Variants in MCM7 observed in about 807,000 individuals in gnomAD.
MCM7 encodes the protein DNA replication licensing factor MCM7.
Under a neutral mutation model 83.5 loss-of-function variants are expected in MCM7, and 95 were observed. That is an observed-to-expected ratio of 1.14 (90% CI 0.96 to 1.35). MCM7 has a LOEUF of 1.35. Ranked by LOEUF, MCM7 falls within the 40% of genes most tolerant of loss-of-function variation. The pLI is 0.00. For missense variants in MCM7, 1,087 were observed against 957.4 expected (o/e 1.14, Z -1.79); for synonymous variants, 461 against 352.7 (o/e 1.31, Z -3.44).
chr7:100,092,984 T>C lies in MCM7; in HGVS notation c.2108A>G (p.Glu703Gly), dbSNP rs776808804. ...QFQAALDEYEELNVWQVNASR... is the reference protein window; with the variant it reads ...QFQAALDEYEGLNVWQVNASR... ...AGCATTGACCTGCCAGACATTGAGC[T>C]CCTCATATTCATCCAGAGCCGCCTG... is the stretch of plus-strand genomic sequence containing the variant. Residue 703 changes from glutamate to glycine, a missense_variant, in exon 15 of 15, where the codon GAG (glutamate) becomes GGG (glycine). Coordinates refer to ENST00000303887, the MANE Select transcript of MCM7 (RefSeq NM_005916.5). 1.2e-6 allele frequency: 2 copies of C among 1,614,042 alleles called. No homozygotes were observed. The highest frequency in any genetic ancestry group is 1.1e-5 in the South Asian group (1 of 91,086).
Position 100,099,349 on chromosome 7 carries a change from G to A in MCM7, c.331C>T (p.Gln111Ter). The A allele has an allele frequency of 6.2e-7, 1 of 1,611,264 alleles. No individual in the cohort carries two copies. The change falls in exon 4 of 15, where the codon CAG becomes TAG. Residue 111 changes from glutamine to a stop codon, truncating the protein, a stop_gained. Coordinates refer to ENST00000303887, the MANE Select transcript of MCM7 (RefSeq NM_005916.5). LOFTEE classifies it high-confidence loss of function. ...VYIEHRLMME[Q>*]RSRDPGMVRS... ...ACCATCCCAGGGTCCCGACTCCGCTGCTCCATCATTAGCCGATGCTCAATG... is the reference window on the plus strand; with the variant it reads ...ACCATCCCAGGGTCCCGACTCCGCTACTCCATCATTAGCCGATGCTCAATG...
chr7:100,093,205 T>G, intron 14 of MCM7, 72 bp from the exon 15 acceptor site: 1 of 1,591,604 alleles, frequency 6.3e-7, no homozygotes, highest in Non-Finnish European at 8.6e-7. Flanking sequence ...AGAACAATGG[T>G]GGCCAGTGTT....
In MCM7 at chr7:100,092,735, C is replaced by T. The variant is rs1368624161; in HGVS notation, c.*197G>A. 18 of 618,636 alleles carry T rather than the reference C, an allele frequency of 2.9e-5. No individual in the cohort carries two copies. The highest frequency in any genetic ancestry group is 2.1e-4 in the Admixed American group (7 of 33,688). The allele number at this position is 618,636 out of a possible 1,614,324, so 38.3% of individuals were successfully genotyped here. ...TAAAAACGAACAGGAATCTAAAAAACGCACAAAACCCTGTTTTAATGGAAG... is the reference window on the plus strand; with the variant it reads ...TAAAAACGAACAGGAATCTAAAAAATGCACAAAACCCTGTTTTAATGGAAG... On this transcript the variant is annotated 3_prime_UTR_variant, in exon 15 of 15. Transcript: ENST00000303887.
In MCM7 at chr7:100,097,670, A is replaced by G; in HGVS notation, c.1061T>C (p.Leu354Pro). 1 of 1,614,192 alleles carries G rather than the reference A, an allele frequency of 6.2e-7. No homozygotes were observed. Among genetic ancestry groups the G allele is most frequent in the Non-Finnish European group, 8.5e-7 (1 of 1,180,042 alleles). Reference sequence around the variant, plus strand: ...CACACCCCCGACTAGCAGGAGCAGCAGTGCCTTCTTCACATCTTCATGCCC... The same window carrying G: ...CACACCCCCGACTAGCAGGAGCAGCGGTGCCTTCTTCACATCTTCATGCCC... ...IYGHEDVKKA[L>P]LLLLVGGVDQ... Residue 354 changes from leucine (L) to proline (P), a missense_variant, in exon 9 of 15, where the codon CTG (leucine) becomes CCG (proline). By Grantham distance (98) the Leu-to-Pro change is moderately conservative (BLOSUM62 -3). Coordinates refer to ENST00000303887, the MANE Select transcript of MCM7 (RefSeq NM_005916.5).
Position 100,092,954 on chromosome 7 carries a change from C to A in MCM7, c.2138G>T (p.Arg713Leu). ...ELNVWQVNAS[R>L]TRITFV Reference sequence around the variant, plus strand: ...GAATCAGACAAAAGTGATCCGTGTCCGGGAAGCATTGACCTGCCAGACATT... The same window carrying A: ...GAATCAGACAAAAGTGATCCGTGTCAGGGAAGCATTGACCTGCCAGACATT... Residue 713 changes from arginine to leucine, a missense_variant, in exon 15 of 15, where the codon CGG (arginine) becomes CTG (leucine). Coordinates refer to ENST00000303887, the MANE Select transcript of MCM7 (RefSeq NM_005916.5). 1 of 1,614,164 alleles carries A rather than the reference C, an allele frequency of 6.2e-7. No homozygotes were observed. The highest frequency in any genetic ancestry group is 8.5e-7 in the Non-Finnish European group (1 of 1,180,034).
At chr7:100,098,755 G>C in intron 5 of MCM7, 40 bp from the exon 6 acceptor site, 5 of 1,611,054 alleles carry the variant, frequency 3.1e-6, no homozygotes, top group Non-Finnish European at 4.2e-6. Context: ...AACTCAGAAG[G>C]AAAAGAGCCC....
chr7:100,098,450 A>G (rs566367603), intron 6 of MCM7, 128 bp downstream of exon 6: 3 of 1,507,584 alleles, frequency 2.0e-6, no homozygotes, highest in Admixed American at 1.8e-5. Flanking sequence ...CTCCCAGGAA[A>G]TTCTAGTTCC....
In MCM7 at chr7:100,097,910, A is replaced by C; in HGVS notation, c.909T>G (p.Ile303Met). ...CATCCTCACTCTTGTTCATCTTCACAATCCGATGGGCTTCCAGGTAGGTTT... is the reference window on the plus strand; with the variant it reads ...CATCCTCACTCTTGTTCATCTTCACCATCCGATGGGCTTCCAGGTAGGTTT... ...LSETYLEAHRIVKMNKSEDDE... is the reference protein window; with the variant it reads ...LSETYLEAHRMVKMNKSEDDE... The change falls in exon 8 of 15, where the codon ATT becomes ATG. Residue 303 changes from isoleucine (I) to methionine (M), a missense_variant. By Grantham distance (10) the Ile-to-Met change is conservative. Coordinates refer to ENST00000303887, the MANE Select transcript of MCM7 (RefSeq NM_005916.5). The C allele has an allele frequency of 6.2e-7, 1 of 1,614,166 alleles. No homozygotes were observed. The highest frequency in any genetic ancestry group is 8.5e-7 in the Non-Finnish European group (1 of 1,180,030).
rs749479725 is a variant in MCM7 at position 100,095,724 on chromosome 7, TAC to T, written c.1595+48_1595+49del. On this transcript the variant is annotated intron_variant, in intron 11 of 14. Transcript: ENST00000303887. Reference sequence around the variant, plus strand: ...TTTCTGATTCACCTCTCCTCCTCCCTACACAGATCATTACAGGGGACCTCTCT... The same window carrying T: ...TTTCTGATTCACCTCTCCTCCTCCCTACAGATCATTACAGGGGACCTCTCT... The T allele has an allele frequency of 9.2e-6, 14 of 1,527,810 alleles. 1 individual carries two copies. The South Asian group carries it at 1.4e-4, about 15-fold the overall frequency. The allele number at this position is 1,527,810 out of a possible 1,614,324, so 94.6% of individuals were successfully genotyped here.
At position 100,096,148 on chromosome 7, in the gene MCM7, C is replaced by A; in HGVS notation, c.1221G>T (p.Arg407=). The change falls in exon 11 of 15, where the codon CGG becomes CGT. Residue 407 remains arginine (R), a synonymous_variant. Transcript: ENST00000303887. ...LAPRSQYTTG[R]GSSGVGLTAA... ...CCGTAAGCCCCACTCCTGAGGAGCCCCGGCCTGTTGTGTACTGGCCTGGAA... is the reference window on the plus strand; with the variant it reads ...CCGTAAGCCCCACTCCTGAGGAGCCACGGCCTGTTGTGTACTGGCCTGGAA... 1.2e-6 allele frequency: 2 copies of A among 1,608,028 alleles called. No homozygotes were observed. The highest frequency in any genetic ancestry group is 2.2e-5 in the South Asian group (2 of 90,378).
At position 100,094,180 on chromosome 7, in the gene MCM7, G is replaced by C; in HGVS notation, c.1841C>G (p.Thr614Ser). The C allele has an allele frequency of 6.2e-7, 1 of 1,614,216 alleles. No homozygotes were observed. The highest frequency in any genetic ancestry group is 2.2e-5 in the East Asian group (1 of 44,882). Residue 614 changes from threonine (T) to serine (S), a missense_variant, in exon 13 of 15, where the codon ACT becomes AGT. Coordinates refer to ENST00000303887, the MANE Select transcript of MCM7 (RefSeq NM_005916.5). ...RTLLAILRLS[T>S]ALARLRMVDV... is the part of the protein sequence containing the mutation. ...AGCAATTTGGGCACTTACCAGAGCAGTGGAAAGGCGCAGGATAGCCAGCAG... is the reference window on the plus strand; with the variant it reads ...AGCAATTTGGGCACTTACCAGAGCACTGGAAAGGCGCAGGATAGCCAGCAG...
chr7:100,094,081 G>A (rs745681671), intron 13 of MCM7, 92 bp downstream of exon 13: 7 of 1,504,150 alleles, frequency 4.7e-6, no homozygotes, highest in South Asian at 2.3e-5. Context: ...CAGGGCTGGA[G>A]CGGGAGGTGG....
chr7:100,093,845 C>A, intron 13 of MCM7: 1 of 637,832 alleles, frequency 1.6e-6, no homozygotes, highest in Non-Finnish European at 3.1e-6. Flanking sequence ...TTGGAGCCCC[C>A]AGGACTGAGG....
chr7:100,099,275 TCA>T lies in MCM7; in HGVS notation c.401+2_401+3del. ...CTACATCTTTCCCGACAGAGACCAC[TCA>T]CAATCTGCGCATGAGTTCAGCAGGG... On this transcript the variant is annotated splice_donor_variant and splice_donor_region_variant and intron_variant, in intron 4 of 14. Coordinates refer to ENST00000303887, the MANE Select transcript of MCM7 (RefSeq NM_005916.5). LOFTEE classifies it high-confidence loss of function. 1 of 1,614,084 alleles carries T rather than the reference TCA, an allele frequency of 6.2e-7. No homozygotes were observed. Among genetic ancestry groups the T allele is most frequent in the Non-Finnish European group, 8.5e-7 (1 of 1,180,018 alleles).
intron 10 of MCM7, 140 bp downstream of exon 10, chr7:100,097,161 C>G (rs115073631): frequency 0.042 from 30,836 of 730,324 alleles, 705 homozygotes; most frequent in Middle Eastern, 0.058. Flanking sequence ...TCAAAATCCT[C>G]GCCTCAAATG....
Position 100,099,749 on chromosome 7 carries a change from C to G in MCM7, c.116G>C (p.Arg39Pro), listed in dbSNP as rs1396825913. 1 of 1,613,750 alleles carries G rather than the reference C, an allele frequency of 6.2e-7. No individual in the cohort carries two copies. The highest frequency in any genetic ancestry group is 2.2e-5 in the East Asian group (1 of 44,890). The change falls in exon 3 of 15, where the codon CGG becomes CCG. Residue 39 changes from arginine to proline, a missense_variant. Coordinates refer to ENST00000303887, the MANE Select transcript of MCM7 (RefSeq NM_005916.5). Reference protein sequence around the residue: ...KQFKYGNQLVRLAHREQVALY... With the variant: ...KQFKYGNQLVPLAHREQVALY... The stretch of plus-strand genomic sequence containing the variant: ...AGCCACCTGTTCCCGATGAGCCAGC[C>G]GAACCTCAAGTGGGGAAGAGACAGA...
Position 100,099,572 on chromosome 7 carries a change from G to A in MCM7, c.276+17C>T, listed in dbSNP as rs1272301009. On this transcript the variant is annotated intron_variant, in intron 3 of 14. Coordinates refer to ENST00000303887, the MANE Select transcript of MCM7 (RefSeq NM_005916.5). ...AACGCCTCGCCCTTTGTTTGCCATT[G>A]TTCTCTAACCACTCACTTCCCTCTC... 5 of 1,612,262 alleles carry A rather than the reference G, an allele frequency of 3.1e-6. No individual in the cohort carries two copies. The highest frequency in any genetic ancestry group is 2.2e-5 in the South Asian group (2 of 91,014).
chr7:100,097,543 G>A (rs930834556), intron 9 of MCM7, 71 bp downstream of exon 9: 15 of 1,606,678 alleles, frequency 9.3e-6, no homozygotes, highest in Non-Finnish European at 1.2e-5. Context: ...TGACCTACAG[G>A]GACACTTGTC....
At chr7:100,100,135 A>G (rs1584498273) in intron 1 of MCM7, 42 bp from the exon 2 acceptor site, 1 of 1,606,958 alleles carries the variant, frequency 6.2e-7, no homozygotes, top group Non-Finnish European at 8.5e-7. Flanking sequence ...AAACTTTAAG[A>G]CAAATCTTAG....
Sources: gnomAD v4.1 joint callset for allele counts on GRCh38, gnomAD v4.1.1 for gene constraint, MANE v1.5 for transcripts, NCBI Gene and HGNC (gene_info 2026-07-23, HGNC 2026-07-21) for gene names.